MPC1: variants seen among roughly 807,000 people sequenced by gnomAD.
MPC1 encodes HSPC040 protein.
In MPC1, 6 loss-of-function variants were observed where a neutral mutation model predicts 13.9. The ratio of observed to expected loss-of-function variants is 0.43; its 90% confidence interval spans 0.24 to 0.85. The LOEUF (loss-of-function observed/expected upper bound fraction) is 0.85, where lower values mean the gene tolerates loss of function less well. Ranked by LOEUF, MPC1 falls within the 40% of genes least tolerant of loss-of-function variation. The pLI, the probability that MPC1 is intolerant of heterozygous loss-of-function variation, is 0.24. For synonymous variants in MPC1, 47 were observed against 50.5 expected (o/e 0.93, Z 0.29); for missense variants, 115 against 143.3 (o/e 0.80, Z 1.01).
At chr6:166,379,298 A>G (rs543079960) in intron 1 of MPC1, among the ~76,000 whole-genome samples, 1 of 152,352 alleles carries the variant, frequency 6.6e-6, no homozygotes, top group African/African-American at 2.4e-5. Context: ...GTTCAAGGAC[A>G]GCCTGGGCAA....
chr6:166,377,197 C>G (rs1396293097), intron 1 of MPC1, among the ~76,000 whole-genome samples: 2 of 146,722 alleles, frequency 1.4e-5, no homozygotes. Context: ...GGCTGGAGTG[C>G]AGTGGCAGAC....
At chr6:166,370,154 C>A (rs778026219) in intron 2 of MPC1, 64 bp downstream of exon 2, 1 of 780,856 alleles carries the variant, frequency 1.3e-6, no homozygotes, top group South Asian at 1.3e-5. Context: ...AAGCCTGTTA[C>A]CCCTAACTCT....
intron 2 of MPC1, among the ~76,000 whole-genome samples, chr6:166,368,558 A>G (rs75717815): frequency 9.3e-5 from 1 of 10,794 alleles, no homozygotes; most frequent in Admixed American, 9.1e-4. Flanking sequence ...CGTCTCAGGG[A>G]AAAAAAAAAA....
intron 2 of MPC1, chr6:166,367,169 G>T: frequency 7.9e-7 from 1 of 1,267,252 alleles, no homozygotes; most frequent in Non-Finnish European, 1.0e-6. Flanking sequence ...CTACAACCAA[G>T]TCATCTCTGA....
Position 166,365,545 on chromosome 6 carries a change from A to C in MPC1, c.306-92T>G, listed in dbSNP as rs1267445591. Reference sequence around the variant, plus strand: ...GATGGCTTTTAAAAGACACCTTTACATAACATTTATTTCAACTTACAACTT... The same window carrying C: ...GATGGCTTTTAAAAGACACCTTTACCTAACATTTATTTCAACTTACAACTT... On this transcript the variant is annotated intron_variant, in intron 4 of 4. Transcript: ENST00000360961. The surrounding 1 kb of genome is among the most constrained non-coding windows in gnomAD (Gnocchi z 4.2). 1 of 1,006,448 alleles carries C rather than the reference A, an allele frequency of 9.9e-7. No individual in the cohort carries two copies. The highest frequency in any genetic ancestry group is 1.4e-6 in the Non-Finnish European group (1 of 705,480). 62.3% of individuals were successfully genotyped at this position (1,006,448 alleles called of 1,614,324 possible).
intron 1 of MPC1, 136 bp from the exon 2 acceptor site, chr6:166,370,357 G>A (rs997123332): frequency 5.0e-6 from 3 of 605,650 alleles, no homozygotes; most frequent in African/African-American, 1.8e-5. Context: ...GGACTACAAC[G>A]TTAACAGTGT....
chr6:166,367,646 T>A (rs919439238), intron 2 of MPC1, among the ~76,000 whole-genome samples: 10 of 152,194 alleles, frequency 6.6e-5, no homozygotes, highest in African/African-American at 2.4e-4. Flanking sequence ...GAGGCTGAAA[T>A]AAAATAAGGC....
chr6:166,374,230 C>T (rs141215820), intron 1 of MPC1, among the ~76,000 whole-genome samples: 4,149 of 152,168 alleles, frequency 0.027, 182 homozygotes, highest in African/African-American at 0.092. Context: ...TGACCTCAAG[C>T]GATCTGCCTG....
In MPC1 at chr6:166,378,370, A is replaced by T. The variant is rs140889202; in HGVS notation, c.71+4436T>A. On this transcript the variant is annotated intron_variant, in intron 1 of 4. Coordinates refer to ENST00000360961, the MANE Select transcript of MPC1 (RefSeq NM_016098.4). Reference sequence around the variant, plus strand: ...TTAACTGATTTTAAAGCACTCTATGATCTAGGTTCTTCTTAAGAAAACATC... The same window carrying T: ...TTAACTGATTTTAAAGCACTCTATGTTCTAGGTTCTTCTTAAGAAAACATC... Among the ~76,000 whole-genome samples, 301 of 152,230 alleles carry T rather than the reference A, an allele frequency of 2.0e-3. 1 individual carries two copies. Among genetic ancestry groups the T allele is most frequent in the African/African-American group, 7.1e-3 (293 of 41,514 alleles).
At chr6:166,377,199 G>A (rs965936693) in intron 1 of MPC1, among the ~76,000 whole-genome samples, 9 of 147,906 alleles carry the variant, frequency 6.1e-5, no homozygotes, top group Non-Finnish European at 1.3e-4. Context: ...CTGGAGTGCA[G>A]TGGCAGACCC....
intron 1 of MPC1, among the ~76,000 whole-genome samples, chr6:166,375,891 C>G (rs960738634): frequency 8.5e-5 from 13 of 152,188 alleles, no homozygotes; most frequent in Non-Finnish European, 2.9e-5. Flanking sequence ...TGATGTTCAT[C>G]ATATCCAGTT....
At chr6:166,368,878 C>T in intron 2 of MPC1, 1 of 985,402 alleles carries the variant, frequency 1.0e-6, no homozygotes, top group Non-Finnish European at 1.2e-6. Context: ...ACTCTCTTGC[C>T]ACTCCTCTGC....
intron 2 of MPC1, among the ~76,000 whole-genome samples, chr6:166,368,215 G>T (rs930884039): frequency 6.6e-6 from 1 of 152,220 alleles, no homozygotes; most frequent in African/African-American, 2.4e-5. Flanking sequence ...GAGGTGACTA[G>T]TGGCTCTCAA....
chr6:166,372,203 T>C (rs1320334315), intron 1 of MPC1, among the ~76,000 whole-genome samples: 1 of 152,202 alleles, frequency 6.6e-6, no homozygotes, highest in Non-Finnish European at 1.5e-5. Flanking sequence ...ACTGGCCCTT[T>C]AGGTAACTAT....
At chr6:166,369,953 C>T in intron 2 of MPC1, 1 of 628,054 alleles carries the variant, frequency 1.6e-6, no homozygotes, top group Non-Finnish European at 2.9e-6. Context: ...GGTTGCTAGG[C>T]TCCACTGTGA....
At chr6:166,373,914 T>C (rs1397538812) in intron 1 of MPC1, among the ~76,000 whole-genome samples, 1 of 152,152 alleles carries the variant, frequency 6.6e-6, no homozygotes, top group Non-Finnish European at 1.5e-5. Flanking sequence ...CACGGAGAGG[T>C]ATCTGCTTAA....
chr6:166,367,096 T>C, intron 2 of MPC1: 1 of 1,418,198 alleles, frequency 7.1e-7, no homozygotes, highest in Non-Finnish European at 9.3e-7. Context: ...CAGCAGTTCT[T>C]ACAGCTGAGC....
Position 166,382,910 on chromosome 6 carries a change from GC to G in MPC1, c.-35del. 1 of 1,574,136 alleles carries G rather than the reference GC, an allele frequency of 6.4e-7. No individual in the cohort carries two copies. The highest frequency in any genetic ancestry group is 8.6e-7 in the Non-Finnish European group (1 of 1,162,580). On this transcript the variant is annotated 5_prime_UTR_variant, in exon 1 of 5. Transcript: ENST00000360961. ...CGACACCAGACCCCGAGTGGTCCCT[GC>G]CTCTGCTGCCGCTTCCCAGAGCCAA...
intron 2 of MPC1, among the ~76,000 whole-genome samples, chr6:166,367,913 T>C (rs567836264): frequency 5.9e-5 from 9 of 152,270 alleles, no homozygotes; most frequent in African/African-American, 2.2e-4. Context: ...AAGGGAAATA[T>C]AAGAAAAATA....
Sources: allele counts gnomAD v4.1 joint callset (sites outside exome capture counted in the v4.1 genomes callset), GRCh38; gene constraint gnomAD v4.1.1; non-coding constraint Gnocchi (gnomAD v3.1); transcripts MANE v1.5; gene names NCBI Gene and HGNC (gene_info 2026-07-23, HGNC 2026-07-21).